The following PRDM14 variants were observed in gnomAD, a reference collection of about 807,000 sequenced individuals.
PRDM14 encodes the protein PR/SET domain 14.
A neutral mutation model predicts 48.0 loss-of-function variants in PRDM14; 16 were observed. The observed-to-expected ratio is 0.33, with a 90% CI of 0.23 to 0.51. The LOEUF (loss-of-function observed/expected upper bound fraction) is 0.51. PRDM14 is among the 20% of genes least tolerant of loss of function. PRDM14 has a pLI of 0.97. For synonymous variants in PRDM14, 264 were observed against 276.6 expected (o/e 0.95, Z 0.45); for missense variants, 566 against 719.6 (o/e 0.79, Z 2.44).
chr8:70,064,484 C>T (rs1349825004), intron 5 of PRDM14, among the ~76,000 whole-genome samples: 1 of 151,292 alleles, frequency 6.6e-6, no homozygotes, highest in African/African-American at 2.4e-5. Context: ...CCTGAAGCAT[C>T]TCAGCCTAGC....
chr8:70,056,853 G>A (rs1805481672), intron 6 of PRDM14, among the ~76,000 whole-genome samples: 1 of 146,896 alleles, frequency 6.8e-6, no homozygotes, highest in South Asian at 2.1e-4. Flanking sequence ...TTCCTCCACT[G>A]TACTGTAAGA....
chr8:70,064,636 T>C (rs1229268140), intron 5 of PRDM14, among the ~76,000 whole-genome samples: 1 of 151,476 alleles, frequency 6.6e-6, no homozygotes, highest in African/African-American at 2.4e-5. Flanking sequence ...GCCATTCTCC[T>C]GCCTCAGCCT....
Position 70,069,579 on chromosome 8 carries a change from C to G in PRDM14, c.282G>C (p.Trp94Cys). 2.5e-6 allele frequency: 4 copies of G among 1,603,046 alleles called. No homozygotes were observed. Among genetic ancestry groups the G allele is most frequent in the Non-Finnish European group, 3.4e-6 (4 of 1,175,104 alleles). Reference protein sequence around the residue: ...LQREPLYDLPWYSKLPPWYPI... With the variant: ...LQREPLYDLPCYSKLPPWYPI... ...GGTACCACGGTGGCAGCTTGCTGTA[C>G]CAGGGCAGATCGTAGAGAGGCTCCC... is the stretch of plus-strand genomic sequence containing the variant. Residue 94 changes from tryptophan to cysteine, a missense_variant, in exon 2 of 8, where the codon TGG becomes TGC. Physicochemically the swap from Trp to Cys is radical, Grantham distance 215 (BLOSUM62 -2). Transcript: ENST00000276594.
In PRDM14 at chr8:70,069,235, A is replaced by G. The variant is rs1000761572; in HGVS notation, c.626T>C (p.Val209Ala). The G allele has an allele frequency of 1.0e-5, 16 of 1,596,380 alleles. No individual in the cohort carries two copies. Among genetic ancestry groups the G allele is most frequent in the Non-Finnish European group, 1.3e-5 (15 of 1,171,472 alleles). ...GGCTGGGTGCTCCAGGCTGGGAGTGACCCCGTACAGAACGAAGTGCAGGTC... is the reference window on the plus strand; with the variant it reads ...GGCTGGGTGCTCCAGGCTGGGAGTGGCCCCGTACAGAACGAAGTGCAGGTC... ...EEDLHFVLYGVTPSLEHPASL... is the reference protein window; with the variant it reads ...EEDLHFVLYGATPSLEHPASL... Residue 209 changes from valine (V) to alanine (A), a missense_variant, in exon 2 of 8, where the codon GTC becomes GCC. Val to Ala is a moderately conservative substitution (Grantham distance 64). This residue lies in a region of PRDM14 where 410 missense variants were observed against 424.6 expected (regional missense o/e 0.97). Coordinates refer to ENST00000276594, the MANE Select transcript of PRDM14 (RefSeq NM_024504.4).
Position 70,066,497 on chromosome 8 carries a change from T to G in PRDM14, c.921A>C (p.Glu307Asp), listed in dbSNP as rs751550241. The G allele has an allele frequency of 6.2e-7, 1 of 1,612,688 alleles. No homozygotes were observed. Among genetic ancestry groups the G allele is most frequent in the South Asian group, 1.1e-5 (1 of 90,800 alleles). Residue 307 changes from glutamate to aspartate, a missense_variant, in exon 5 of 8, where the codon GAA (glutamate) becomes GAC (aspartate). Coordinates refer to ENST00000276594, the MANE Select transcript of PRDM14 (RefSeq NM_024504.4). The stretch of plus-strand genomic sequence containing the variant: ...CTATAAAGTGGCTCAAATGACCATC[T>G]TCAAAGATCTAAATGAAATAAGACA... ...GDNSVMWEIF[E>D]DGHLSHFIDG...
chr8:70,052,856 C>G (rs1468763770), intron 7 of PRDM14, among the ~76,000 whole-genome samples: 1 of 102,398 alleles, frequency 9.8e-6, no homozygotes, highest in Admixed American at 1.4e-4. Context: ...CAGAGTGAGA[C>G]TCTGTCTCCA....
intron 5 of PRDM14, among the ~76,000 whole-genome samples, chr8:70,061,803 C>T (rs1805585728): frequency 6.6e-6 from 1 of 152,100 alleles, no homozygotes; most frequent in Non-Finnish European, 1.5e-5. Context: ...TCCCTATCCT[C>T]CCTCCCCCTA....
At position 70,066,452 on chromosome 8, in the gene PRDM14, C is replaced by T; in HGVS notation, c.966G>A (p.Gly322=). 6.2e-7 allele frequency: 1 copy of T among 1,614,096 alleles called. No individual in the cohort carries two copies. Among genetic ancestry groups the T allele is most frequent in the Non-Finnish European group, 8.5e-7 (1 of 1,179,946 alleles). The stretch of plus-strand genomic sequence containing the variant: ...CACAGTTGACATAGGACATCCAGTT[C>T]CCCGTACCTCCTTTTCCATCTATAA... The part of the protein sequence containing the change: ...SHFIDGKGGT[G]NWMSYVNCAR... Residue 322 remains glycine, a synonymous_variant, in exon 5 of 8, where the codon GGG becomes GGA. Transcript: ENST00000276594.
chr8:70,068,250 C>G lies in PRDM14; in HGVS notation c.892G>C (p.Asp298His). The change falls in exon 4 of 8, where the codon GAC becomes CAC. Residue 298 changes from aspartate (D) to histidine (H), a missense_variant. Coordinates refer to ENST00000276594, the MANE Select transcript of PRDM14 (RefSeq NM_024504.4). ...TTTACCTCCCACATCACAGAATTGT[C>G]TCCGTAGGTCTTCACTTCACTGGCA... ...VNASEVKTYGDNSVMWEIFED... is the reference protein window; with the variant it reads ...VNASEVKTYGHNSVMWEIFED... 1 of 1,614,242 alleles carries G rather than the reference C, an allele frequency of 6.2e-7. No individual in the cohort carries two copies. Among genetic ancestry groups the G allele is most frequent in the Non-Finnish European group, 8.5e-7 (1 of 1,180,044 alleles).
chr8:70,066,147 G>A (rs1458245606), intron 5 of PRDM14, 88 bp downstream of exon 5: 1 of 1,405,840 alleles, frequency 7.1e-7, no homozygotes, highest in Non-Finnish European at 9.8e-7. Context: ...CTTTAGGAGG[G>A]AGGAGCTGTG....
intron 4 of PRDM14, 77 bp from the exon 5 acceptor site, chr8:70,066,582 G>A (rs1428098266): frequency 5.2e-6 from 6 of 1,162,168 alleles, no homozygotes; most frequent in African/African-American, 1.6e-5. Context: ...TTTAATACTT[G>A]TAACCTAAAT....
Position 70,069,144 on chromosome 8 carries a change from G to T in PRDM14, c.700+17C>A. 1 of 1,480,780 alleles carries T rather than the reference G, an allele frequency of 6.8e-7. No homozygotes were observed. The highest frequency in any genetic ancestry group is 9.0e-7 in the Non-Finnish European group (1 of 1,115,282). The allele number at this position is 1,480,780 out of a possible 1,614,324, so 91.7% of individuals were successfully genotyped here. The stretch of plus-strand genomic sequence containing the variant: ...TCCCGTCCAATTCGACTCCCAAATG[G>T]TGTGAACTCCCTTTACCAGAGCTGT... On this transcript the variant is annotated intron_variant, in intron 2 of 7. Coordinates refer to ENST00000276594, the MANE Select transcript of PRDM14 (RefSeq NM_024504.4).
At chr8:70,052,423 A>G (rs935985750) in intron 7 of PRDM14, 119 bp from the exon 8 acceptor site, 2 of 729,374 alleles carry the variant, frequency 2.7e-6, no homozygotes, top group Non-Finnish European at 4.6e-6. Flanking sequence ...CTTGGGTTTT[A>G]AGGCCATAGA....
intron 5 of PRDM14, among the ~76,000 whole-genome samples, chr8:70,060,413 A>AT (rs1805557488): frequency 7.2e-6 from 1 of 138,844 alleles, no homozygotes; most frequent in Non-Finnish European, 1.5e-5. Flanking sequence ...AAAAAAAAAA[A>AT]ACATAACCAT....
At chr8:70,064,682 G>T (rs1052963912) in intron 5 of PRDM14, among the ~76,000 whole-genome samples, 12 of 151,652 alleles carry the variant, frequency 7.9e-5, no homozygotes, top group African/African-American at 2.9e-4. Context: ...CCGCCACCAC[G>T]CCCGGCTAAT....
Position 70,069,535 on chromosome 8 carries a change from C to A in PRDM14, c.326G>T (p.Arg109Met), listed in dbSNP as rs758795122. The A allele has an allele frequency of 6.2e-7, 1 of 1,607,994 alleles. No homozygotes were observed. Among genetic ancestry groups the A allele is most frequent in the South Asian group, 1.1e-5 (1 of 90,188 alleles). The change falls in exon 2 of 8, where the codon AGG becomes ATG. Residue 109 changes from arginine (R) to methionine (M), a missense_variant. Arg to Met is a moderately conservative substitution (Grantham distance 91). This residue lies in a region of PRDM14 where 410 missense variants were observed against 424.6 expected (regional missense o/e 0.97). Coordinates refer to ENST00000276594, the MANE Select transcript of PRDM14 (RefSeq NM_024504.4). Reference sequence around the variant, plus strand: ...GCTGCTCAGGAAGGGCGGCACTTCCCTGGGGACGTGGGGAATTGGGTACCA... The same window carrying A: ...GCTGCTCAGGAAGGGCGGCACTTCCATGGGGACGTGGGGAATTGGGTACCA... Reference protein sequence around the residue: ...PPWYPIPHVPREVPPFLSSSH... With the variant: ...PPWYPIPHVPMEVPPFLSSSH...
chr8:70,052,430 T>C, intron 7 of PRDM14, 126 bp from the exon 8 acceptor site: 2 of 674,206 alleles, frequency 3.0e-6, no homozygotes, highest in East Asian at 5.4e-5. Context: ...TTTAAGGCCA[T>C]AGAGCACTCC....
At chr8:70,052,566 T>TA (rs1230397792) in intron 7 of PRDM14, among the ~76,000 whole-genome samples, 3 of 151,926 alleles carry the variant, frequency 2.0e-5, no homozygotes, top group African/African-American at 7.2e-5. Context: ...GTCCAGTTTG[T>TA]AAAAAAGCAG....
chr8:70,058,215 C>T (rs755907362), intron 6 of PRDM14, among the ~76,000 whole-genome samples: 64 of 152,170 alleles, frequency 4.2e-4, no homozygotes, highest in Non-Finnish European at 3.7e-4. Flanking sequence ...AACACACCTG[C>T]ACAGATTTGG....
Sources: gnomAD v4.1 joint callset for allele counts (sites outside exome capture counted in the v4.1 genomes callset) on GRCh38, gnomAD v4.1.1 for gene constraint, gnomAD v4.1.1 regional missense constraint, MANE v1.5 for transcripts, NCBI Gene and HGNC (gene_info 2026-07-23, HGNC 2026-07-21) for gene names.